Variants in PFKFB4 observed in about 807,000 individuals in gnomAD.
The protein encoded by PFKFB4 is 6-phosphofructo-2-kinase/fructose-2,6-bisphosphatase 4.
PFKFB4 carries 42 observed loss-of-function variants against 62.8 expected under a neutral mutation model. The ratio of observed to expected loss-of-function variants is 0.67; its 90% CI spans 0.52 to 0.86. The LOEUF is 0.86. Ranked by LOEUF, PFKFB4 falls within the 40% of genes least tolerant of loss-of-function variation. The pLI is 0.00. For synonymous variants in PFKFB4, 204 were observed against 240.7 expected, an observed-to-expected ratio of 0.85 and a Z score of 1.41; for missense variants, 475 against 627.2, an observed-to-expected ratio of 0.76 and a Z score of 2.59.
rs1223194678 is a variant in PFKFB4, at chr3:48,518,833, G to C, written c.*914C>G. 1.3e-5 allele frequency: 2 copies of C among 152,232 alleles called. No homozygotes were observed. Among genetic ancestry groups the C allele is most frequent in the African/African-American group, 2.4e-5 (1 of 41,472 alleles). 9.4% of individuals were successfully genotyped at this position (152,232 alleles called of 1,614,324 possible). On this transcript the variant is annotated 3_prime_UTR_variant, in exon 14 of 14. Coordinates refer to ENST00000232375, the MANE Select transcript of PFKFB4 (RefSeq NM_004567.4). ...TGTGTGGACACGGGCAGCAACAGGGGAGAGGCCGCCTCCCCATTGGCTGCC... is the reference window on the plus strand; with the variant it reads ...TGTGTGGACACGGGCAGCAACAGGGCAGAGGCCGCCTCCCCATTGGCTGCC...
rs201391687 is a variant in PFKFB4, at chr3:48,535,557, C to A, written c.942G>T (p.Leu314=). ...MKRTIQTAEA[L]GVPYEQWKVL... ...CCTTCCACTGTTCATAGGGCACACCCAGTGCCTCAGCCGTCTGGATTGTCC... is the reference window on the plus strand; with the variant it reads ...CCTTCCACTGTTCATAGGGCACACCAAGTGCCTCAGCCGTCTGGATTGTCC... Residue 314 remains leucine (L), a synonymous_variant, in exon 9 of 14, where the codon CTG becomes CTT. Coordinates refer to ENST00000232375, the MANE Select transcript of PFKFB4 (RefSeq NM_004567.4). 29 of 1,614,150 alleles carry A rather than the reference C, an allele frequency of 1.8e-5. No individual in the cohort carries two copies. The East Asian group carries it at 5.6e-4, about 31-fold the overall frequency.
intron 9 of PFKFB4, among the ~76,000 whole-genome samples, chr3:48,534,193 A>C (rs1023511217): frequency 6.6e-6 from 1 of 152,224 alleles, no homozygotes; most frequent in Non-Finnish European, 1.5e-5. Context: ...AAAAAGACAG[A>C]GAAGAAATGA....
At chr3:48,551,211 T>G (rs577382855) in intron 1 of PFKFB4, among the ~76,000 whole-genome samples, 1 of 151,608 alleles carries the variant, frequency 6.6e-6, no homozygotes, top group East Asian at 1.9e-4. Flanking sequence ...CTAGCTCACT[T>G]TTCTTTTTTT....
upstream of PFKFB4, chr3:48,561,576 G>T (rs973327529): frequency 6.5e-6 from 1 of 153,014 alleles, no homozygotes; most frequent in African/African-American, 2.4e-5. This position sits in a 1 kb window ranked among gnomAD's most constrained non-coding sequence, Gnocchi z 5.2. Flanking sequence ...GAGAAGCCAG[G>T]TATGACTCAC....
At chr3:48,529,344 C>T (rs2107490327) in intron 9 of PFKFB4, among the ~76,000 whole-genome samples, 1 of 152,110 alleles carries the variant, frequency 6.6e-6, no homozygotes, top group Non-Finnish European at 1.5e-5. Context: ...AGAAGACAAG[C>T]CCAAGGCTGT....
At chr3:48,555,308 C>A (rs762329359) in intron 1 of PFKFB4, among the ~76,000 whole-genome samples, 9 of 152,184 alleles carry the variant, frequency 5.9e-5, no homozygotes, top group Non-Finnish European at 1.3e-4. Flanking sequence ...AGAAACATGG[C>A]CTTCCCCTGC....
chr3:48,524,380 C>T lies in PFKFB4; in HGVS notation c.1093-550G>A, dbSNP rs1472801285. On this transcript the variant is annotated intron_variant, in intron 10 of 13. Transcript: ENST00000232375. ...ACCTGGCAGGTTTAGAGATTTTCAT[C>T]AGTTTCATCCTTCTGCACACAATGA... 2.0e-5 allele frequency among the ~76,000 whole-genome samples: 3 copies of T among 152,222 alleles called. No individual in the cohort carries two copies. The East Asian group carries it at 5.8e-4, about 29-fold the overall frequency.
upstream of PFKFB4, among the ~76,000 whole-genome samples, chr3:48,558,534 C>T (rs2043384938): frequency 6.6e-6 from 1 of 152,238 alleles, no homozygotes; most frequent in Non-Finnish European, 1.5e-5. Flanking sequence ...TCCAAGTCCA[C>T]CCAGCTCTTT....
upstream of PFKFB4, chr3:48,561,182 C>A (rs1183227268): frequency 2.3e-6 from 2 of 882,736 alleles, no homozygotes; most frequent in Non-Finnish European, 3.1e-6. The surrounding 1 kb of genome is among the most constrained non-coding windows in gnomAD (Gnocchi z 5.2). Flanking sequence ...CCGCCTAGCA[C>A]TCTGAAGAGA....
chr3:48,558,120 A>G (rs377003558), upstream of PFKFB4, among the ~76,000 whole-genome samples: 3 of 152,246 alleles, frequency 2.0e-5, no homozygotes, highest in South Asian at 2.1e-4. Context: ...GCCTTTTACT[A>G]TATTTGTATC....
intron 1 of PFKFB4, among the ~76,000 whole-genome samples, chr3:48,553,829 T>C (rs1336449550): frequency 1.3e-5 from 2 of 152,230 alleles, no homozygotes; most frequent in Non-Finnish European, 2.9e-5. Context: ...TCATCTCTCC[T>C]GTTGCCCTGT....
At chr3:48,525,023 G>A (rs2042212849) in intron 10 of PFKFB4, among the ~76,000 whole-genome samples, 1 of 152,100 alleles carries the variant, frequency 6.6e-6, no homozygotes, top group Non-Finnish European at 1.5e-5. Context: ...GGCTCAGCCT[G>A]TGACAAGAGG....
intron 10 of PFKFB4, among the ~76,000 whole-genome samples, chr3:48,525,033 G>A (rs1337418696): frequency 2.0e-5 from 3 of 152,114 alleles, no homozygotes; most frequent in Non-Finnish European, 4.4e-5. Flanking sequence ...GTGACAAGAG[G>A]AAGCATCCAA....
intron 9 of PFKFB4, among the ~76,000 whole-genome samples, chr3:48,531,750 G>A (rs2042435301): frequency 6.6e-6 from 1 of 151,936 alleles, no homozygotes; most frequent in African/African-American, 2.4e-5. Flanking sequence ...CCATGATGGT[G>A]CCATTGCACT....
At chr3:48,531,696 G>A (rs1278429023) in intron 9 of PFKFB4, among the ~76,000 whole-genome samples, 1 of 151,990 alleles carries the variant, frequency 6.6e-6, no homozygotes, top group Admixed American at 6.6e-5. Context: ...GGGAGGCTAA[G>A]ATGGGAGGAT....
At chr3:48,544,951 T>C (rs2042917191) in intron 3 of PFKFB4, among the ~76,000 whole-genome samples, 1 of 152,150 alleles carries the variant, frequency 6.6e-6, no homozygotes, top group Non-Finnish European at 1.5e-5. Context: ...CTCGAACTCC[T>C]GACTTCAAGT....
At chr3:48,524,294 C>T (rs1375210040) in intron 10 of PFKFB4, among the ~76,000 whole-genome samples, 1 of 152,204 alleles carries the variant, frequency 6.6e-6, no homozygotes, top group Non-Finnish European at 1.5e-5. Flanking sequence ...AGTCTACCTG[C>T]CCAGTATCTT....
intron 5 of PFKFB4, 57 bp downstream of exon 5, chr3:48,539,640 T>C: frequency 2.8e-6 from 4 of 1,425,982 alleles, no homozygotes; most frequent in East Asian, 2.3e-5. Flanking sequence ...AAAGGAGCCC[T>C]GGAGGGCAGG....
intron 4 of PFKFB4, among the ~76,000 whole-genome samples, chr3:48,541,771 G>A (rs2042806592): frequency 5.3e-5 from 8 of 152,148 alleles, no homozygotes; most frequent in Admixed American, 5.2e-4. Context: ...CTTGAGACAA[G>A]CCTGCTCAAC....
Sources: allele counts gnomAD v4.1 joint callset (sites outside exome capture counted in the v4.1 genomes callset), GRCh38; gene constraint gnomAD v4.1.1; non-coding constraint Gnocchi (gnomAD v3.1); transcripts MANE v1.5; gene names NCBI Gene and HGNC (gene_info 2026-07-23, HGNC 2026-07-21).